The following DNAH6 variants were observed in gnomAD, a reference collection of about 807,000 sequenced individuals.
The protein encoded by DNAH6 is axonemal beta dynein heavy chain 6.
A neutral mutation model predicts 491.4 loss-of-function variants in DNAH6; 340 were observed. That is an observed-to-expected ratio of 0.69 (90% CI 0.63 to 0.76). DNAH6 has a LOEUF of 0.76. Among genes scored for constraint, DNAH6 ranks in the 30% least tolerant of loss-of-function variants. The pLI, the probability that DNAH6 is intolerant of heterozygous loss-of-function variation, is 0.00. For missense variants in DNAH6, 4,443 were observed against 4,972.2 expected, an observed-to-expected ratio of 0.89 and a Z score of 3.20; for synonymous variants, 1,603 against 1,686.1, an observed-to-expected ratio of 0.95 and a Z score of 1.21.
chr2:84,728,368 G>A (rs1026160940), intron 61 of DNAH6, among the ~76,000 whole-genome samples: 6 of 152,228 alleles, frequency 3.9e-5, no homozygotes, highest in African/African-American at 7.2e-5. Context: ...TCTGGTGGCC[G>A]AAGGCCATAC....
At chr2:84,770,703 C>T (rs1269903896) in intron 64 of DNAH6, among the ~76,000 whole-genome samples, 1 of 152,092 alleles carries the variant, frequency 6.6e-6, no homozygotes, top group African/African-American at 2.4e-5. Context: ...ACAGAACCTG[C>T]CAGGTGTAGT....
chr2:84,738,000 C>T (rs1672169093), intron 62 of DNAH6, among the ~76,000 whole-genome samples: 1 of 152,082 alleles, frequency 6.6e-6, no homozygotes, highest in African/African-American at 2.4e-5. Context: ...TATAAACTCT[C>T]CTTTAACACT....
At chr2:84,506,272 G>A in the DNAH6 span, among the ~76,000 whole-genome samples, 1 of 152,338 alleles carries the variant, frequency 6.6e-6, no homozygotes, top group East Asian at 1.9e-4. Flanking sequence ...ACTGGTGTGA[G>A]ATGGTATCTC....
intron 5 of DNAH6, 125 bp from the exon 6 acceptor site, chr2:84,547,143 T>G (rs1678866053): frequency 2.7e-6 from 2 of 749,020 alleles, no homozygotes; most frequent in Admixed American, 3.3e-5. Context: ...CATTTTGTAG[T>G]TGTAGCAAAA....
chr2:84,745,356 G>T lies in DNAH6; in HGVS notation c.10512+107G>T, dbSNP rs902822686. The T allele has an allele frequency of 4.5e-6, 4 of 892,388 alleles. No homozygotes were observed. In the African/African-American group the frequency reaches 5.2e-5, roughly 12 times the overall value. The allele number at this position is 892,388 out of a possible 1,614,324, so 55.3% of individuals were successfully genotyped here. ...TTTGAGAGTAACAATGGCCAAGTTT[G>T]GGAGATGACTCAAAAAAATGAAACA... On this transcript the variant is annotated intron_variant, in intron 63 of 76. Transcript: ENST00000389394.
At position 84,747,346 on chromosome 2, in the gene DNAH6, C is replaced by A. The variant is rs75621743; in HGVS notation, c.10512+2097C>A. On this transcript the variant is annotated intron_variant, in intron 63 of 76. Transcript: ENST00000389394. ...ATGGTTTGGGCATTGGGTAAACATT[C>A]CTATTCCAAAAGGGAGAAATCAGCC... Among the ~76,000 whole-genome samples the A allele has an allele frequency of 5.9e-4, 90 of 152,292 alleles. 2 individuals carry two copies. The East Asian group carries it at 0.014, about 24-fold the overall frequency.
At chr2:84,502,254 C>T in the DNAH6 span, among the ~76,000 whole-genome samples, 1 of 152,130 alleles carries the variant, frequency 6.6e-6, no homozygotes, top group South Asian at 2.1e-4. Context: ...ATTTTTCAAT[C>T]TTCTTCTTAA....
chr2:84,602,884 C>T (rs192886060), intron 18 of DNAH6, among the ~76,000 whole-genome samples: 4 of 149,330 alleles, frequency 2.7e-5, no homozygotes, highest in Non-Finnish European at 4.4e-5. Context: ...TCATTCATTC[C>T]GTGGCTGTGT....
At chr2:84,727,978 C>T (rs1377510633) in intron 61 of DNAH6, 76 bp downstream of exon 61, 2 of 935,162 alleles carry the variant, frequency 2.1e-6, no homozygotes, top group Non-Finnish European at 3.3e-6. Flanking sequence ...TGAATTGTAG[C>T]TACCATAATT....
chr2:84,732,054 C>T (rs1699165706), intron 61 of DNAH6, among the ~76,000 whole-genome samples: 1 of 152,148 alleles, frequency 6.6e-6, no homozygotes, highest in Non-Finnish European at 1.5e-5. Flanking sequence ...GGCTGCACCC[C>T]TTGAGGAGCA....
upstream of DNAH6, among the ~76,000 whole-genome samples, chr2:84,513,374 A>G (rs1356439386): frequency 6.6e-6 from 1 of 152,060 alleles, no homozygotes; most frequent in Non-Finnish European, 1.5e-5. Context: ...GTAAACTATT[A>G]TTTAAAGACT....
At chr2:84,652,165 C>T (rs148785716) in intron 33 of DNAH6, among the ~76,000 whole-genome samples, 1 of 151,906 alleles carries the variant, frequency 6.6e-6, no homozygotes, top group African/African-American at 2.4e-5. Context: ...AGTAAGTTTC[C>T]TAGGTCATAG....
chr2:84,713,517 C>T (rs1164549930), intron 57 of DNAH6, among the ~76,000 whole-genome samples: 9 of 152,372 alleles, frequency 5.9e-5, no homozygotes, highest in Middle Eastern at 3.4e-3. Context: ...TGCTCTGTCT[C>T]GCTCCACTGT....
chr2:84,619,849 C>T lies in DNAH6; in HGVS notation c.3737C>T (p.Pro1246Leu). Residue 1246 changes from proline to leucine, a missense_variant, in exon 24 of 77, where the codon CCA becomes CTA. By Grantham distance (98) the Pro-to-Leu change is moderately conservative. Around this residue, in one of 3 missense-constraint regions of DNAH6, gnomAD observed 2,977 missense variants for 3,296.6 expected, o/e 0.90. Coordinates refer to ENST00000389394, the MANE Select transcript of DNAH6 (RefSeq NM_001370.2). Reference protein sequence around the residue: ...EGKIPGIDGEPEKVYTNDILA... With the variant: ...EGKIPGIDGELEKVYTNDILA... ...AAGATTCCTGGTATTGATGGAGAAC[C>T]AGAAAAGGTTTATACTAATGATATT... The T allele has an allele frequency of 6.4e-7, 1 of 1,551,312 alleles. No homozygotes were observed. Among genetic ancestry groups the T allele is most frequent in the Non-Finnish European group, 8.7e-7 (1 of 1,146,770 alleles).
chr2:84,605,692 G>A, intron 20 of DNAH6, 100 bp downstream of exon 20: 2 of 708,498 alleles, frequency 2.8e-6, no homozygotes, highest in East Asian at 3.0e-5. Flanking sequence ...AAACATGAGA[G>A]TCACTTAATA....
chr2:84,752,705 A>G (rs192176001), intron 63 of DNAH6, among the ~76,000 whole-genome samples: 3 of 151,860 alleles, frequency 2.0e-5, no homozygotes, highest in African/African-American at 7.2e-5. Context: ...TTAACATAAT[A>G]TTTTAAAGAT....
intron 60 of DNAH6, among the ~76,000 whole-genome samples, chr2:84,727,031 AG>A (rs1444745307): frequency 2.0e-5 from 3 of 152,206 alleles, no homozygotes; most frequent in African/African-American, 7.2e-5. Flanking sequence ...GGAAAATTCT[AG>A]CACATTACTT....
Position 84,557,723 on chromosome 2 carries a change from T to C in DNAH6, c.1603-12T>C. On this transcript the variant is annotated splice_polypyrimidine_tract_variant and intron_variant, in intron 10 of 76. Coordinates refer to ENST00000389394, the MANE Select transcript of DNAH6 (RefSeq NM_001370.2). Reference sequence around the variant, plus strand: ...GTGTTCACATTTATGTTTATGCTTTTCTCTTTAACAGGATGGTATTTTGGG... The same window carrying C: ...GTGTTCACATTTATGTTTATGCTTTCCTCTTTAACAGGATGGTATTTTGGG... The C allele has an allele frequency of 1.3e-6, 2 of 1,508,884 alleles. No homozygotes were observed. Among genetic ancestry groups the C allele is most frequent in the Non-Finnish European group, 1.8e-6 (2 of 1,099,960 alleles). The allele number at this position is 1,508,884 out of a possible 1,614,324, so 93.5% of individuals were successfully genotyped here.
the DNAH6 span, among the ~76,000 whole-genome samples, chr2:84,483,689 ATAAT>A: frequency 1.3e-5 from 2 of 152,228 alleles, no homozygotes; most frequent in African/African-American, 4.8e-5. Context: ...TTATTTTAAA[ATAAT>A]TATAGATTTA....
Sources: gnomAD v4.1 joint callset for allele counts (sites outside exome capture counted in the v4.1 genomes callset) on GRCh38, gnomAD v4.1.1 for gene constraint, gnomAD v4.1.1 regional missense constraint, MANE v1.5 for transcripts, NCBI Gene and HGNC (gene_info 2026-07-23, HGNC 2026-07-21) for gene names.